The following CDH23 variants were observed in gnomAD, a reference collection of about 807,000 sequenced individuals.
The protein encoded by CDH23 is cadherin related 23, also known as cadherin-23.
CDH23 carries 189 observed loss-of-function variants against 317.1 expected under a neutral mutation model. The ratio of observed to expected loss-of-function variants is 0.60; its 90% CI spans 0.53 to 0.67. The LOEUF is 0.67. Among genes scored for constraint, CDH23 ranks in the 30% least tolerant of loss-of-function variants. The probability of loss-of-function intolerance (pLI) is 0.00; values close to 1 mark genes in which losing one functional copy is unlikely to be tolerated. For missense variants in CDH23, 4,401 were observed against 4,592.4 expected (o/e 0.96, Z 1.20); for synonymous variants, 1,839 against 1,876.8 (o/e 0.98, Z 0.52).
chr10:71,490,895 G>A (rs947406437), intron 3 of CDH23, among the ~76,000 whole-genome samples: 1 of 152,116 alleles, frequency 6.6e-6, no homozygotes. Flanking sequence ...GCAGATCCAG[G>A]ATTGAAACAC....
At chr10:71,507,776 G>A (rs1173413893) in intron 3 of CDH23, among the ~76,000 whole-genome samples, 3 of 152,130 alleles carry the variant, frequency 2.0e-5, no homozygotes, top group South Asian at 4.1e-4. Flanking sequence ...ATTTGTCACC[G>A]GGCAATGCAA....
intron 9 of CDH23, among the ~76,000 whole-genome samples, chr10:71,612,210 C>G (rs1163140586): frequency 1.4e-5 from 2 of 147,644 alleles, no homozygotes; most frequent in Admixed American, 6.8e-5. Flanking sequence ...TCCATGCAAA[C>G]AGATGTGTGA....
At chr10:71,475,561 G>C (rs992597543) in intron 3 of CDH23, among the ~76,000 whole-genome samples, 2 of 152,194 alleles carry the variant, frequency 1.3e-5, no homozygotes, top group Non-Finnish European at 2.9e-5. Flanking sequence ...ATAAATCTTC[G>C]GTATTAATGC....
chr10:71,668,288 A>G (rs1383368407), intron 14 of CDH23, among the ~76,000 whole-genome samples: 1 of 152,176 alleles, frequency 6.6e-6, no homozygotes, highest in African/African-American at 2.4e-5. Flanking sequence ...CACCATGGCA[A>G]GAAGGGCAAA....
At chr10:71,565,902 G>A (rs1295493240) in intron 6 of CDH23, among the ~76,000 whole-genome samples, 1 of 152,170 alleles carries the variant, frequency 6.6e-6, no homozygotes. Context: ...ACTTGATTCT[G>A]TTTTGGAGGG....
Position 71,813,351 on chromosome 10 carries a change from A to T in CDH23, c.9738+3A>T. The T allele has an allele frequency of 6.4e-7, 1 of 1,551,202 alleles. No homozygotes were observed. Among genetic ancestry groups the T allele is most frequent in the Non-Finnish European group, 8.7e-7 (1 of 1,146,650 alleles). On this transcript the variant is annotated splice_donor_region_variant and intron_variant, in intron 69 of 69. Transcript: ENST00000224721. ...CCTGCCACTCCTCCATCTCTGAGGT[A>T]GCCGGCTGGGTGGCTGGGAGCTGTG...
intron 1 of CDH23, among the ~76,000 whole-genome samples, chr10:71,420,327 T>C (rs1202953683): frequency 6.6e-6 from 1 of 151,648 alleles, no homozygotes; most frequent in East Asian, 2.0e-4. Context: ...TAGGCTTCGC[T>C]CCCAGAAGTT....
intron 11 of CDH23, among the ~76,000 whole-genome samples, chr10:71,620,675 G>GTGTCTCTGACAC (rs1179805948): frequency 1.1e-4 from 16 of 152,294 alleles, no homozygotes; most frequent in Admixed American, 9.8e-4. Flanking sequence ...GAGCTGGTCA[G>GTGTCTCTGACAC]TGTCTCTGAC....
chr10:71,609,917 A>G (rs955570557), intron 9 of CDH23, among the ~76,000 whole-genome samples: 2 of 151,664 alleles, frequency 1.3e-5, no homozygotes, highest in Non-Finnish European at 2.9e-5. Context: ...GGAGGAATTT[A>G]TCTAGAACTT....
intron 44 of CDH23, among the ~76,000 whole-genome samples, chr10:71,788,645 C>T (rs555553381): frequency 3.3e-5 from 5 of 152,078 alleles, no homozygotes; most frequent in South Asian, 2.1e-4. Context: ...TTAGTAGAGA[C>T]GGGGTTTCAC....
chr10:71,408,078 A>G (rs1178388240), intron 1 of CDH23, among the ~76,000 whole-genome samples: 1 of 152,256 alleles, frequency 6.6e-6, no homozygotes, highest in African/African-American at 2.4e-5. Flanking sequence ...TACGAGATAT[A>G]TACAGTTGGA....
intron 9 of CDH23, among the ~76,000 whole-genome samples, chr10:71,600,155 A>G (rs1316185681): frequency 2.0e-5 from 3 of 151,886 alleles, no homozygotes; most frequent in Admixed American, 6.6e-5. Context: ...GATGTGTGCT[A>G]CTACACCCGG....
chr10:71,600,612 G>C (rs1288637195), intron 9 of CDH23, among the ~76,000 whole-genome samples: 1 of 151,464 alleles, frequency 6.6e-6, no homozygotes, highest in Non-Finnish European at 1.5e-5. Context: ...TGCCTCCCGG[G>C]TTCAAGCGAT....
At chr10:71,694,774 G>A (rs1293100295) in intron 21 of CDH23, among the ~76,000 whole-genome samples, 3 of 152,148 alleles carry the variant, frequency 2.0e-5, no homozygotes, top group Non-Finnish European at 4.4e-5. Context: ...AGCCCTCTGT[G>A]GGAGAGGAAG....
intron 14 of CDH23, among the ~76,000 whole-genome samples, chr10:71,660,424 C>T (rs1346547467): frequency 6.6e-6 from 1 of 152,190 alleles, no homozygotes; most frequent in Non-Finnish European, 1.5e-5. Context: ...TTCCAGCTCT[C>T]TTCTCCACCA....
chr10:71,769,043 C>T (rs538081013), intron 38 of CDH23, among the ~76,000 whole-genome samples: 10 of 152,300 alleles, frequency 6.6e-5, no homozygotes, highest in East Asian at 1.9e-4. Flanking sequence ...TTCTTGAAGA[C>T]GGACAAATGT....
intron 12 of CDH23, 158 bp from the exon 13 acceptor site, chr10:71,645,673 C>A: frequency 1.2e-6 from 1 of 841,732 alleles, no homozygotes. Flanking sequence ...AGTCTTGGAG[C>A]TGCTCTGGGA....
rs542842717 is a variant in CDH23 at position 71,411,695 on chromosome 10, G to T, written c.-6+14377G>T. Among the ~76,000 whole-genome samples the T allele has an allele frequency of 2.0e-5, 3 of 152,244 alleles. 1 individual carries two copies. In the East Asian group the frequency reaches 5.8e-4, roughly 29 times the overall value. ...CTTCAATTCTGGTATCAAGGAGAAAGCTTTCAATATTTTATCATTAAGTGT... is the reference window on the plus strand; with the variant it reads ...CTTCAATTCTGGTATCAAGGAGAAATCTTTCAATATTTTATCATTAAGTGT... On this transcript the variant is annotated intron_variant, in intron 1 of 69. Transcript: ENST00000224721.
At chr10:71,456,416 AC>A (rs1850699546) in intron 3 of CDH23, among the ~76,000 whole-genome samples, 1 of 142,008 alleles carries the variant, frequency 7.0e-6, no homozygotes, top group African/African-American at 3.1e-5. Flanking sequence ...GATAGAACAG[AC>A]TGTGTCTTCT....
Sources: gnomAD v4.1 joint callset for allele counts (sites outside exome capture counted in the v4.1 genomes callset) on GRCh38, gnomAD v4.1.1 for gene constraint, MANE v1.5 for transcripts, NCBI Gene and HGNC (gene_info 2026-07-23, HGNC 2026-07-21) for gene names.